GFRA1: variants seen among roughly 807,000 people sequenced by gnomAD.
GFRA1 encodes the protein GDNF family receptor alpha-1.
GFRA1 carries 16 observed loss-of-function variants against 51.6 expected under a neutral mutation model. That is an observed-to-expected ratio of 0.31 (90% CI 0.21 to 0.47). The LOEUF (loss-of-function observed/expected upper bound fraction) is 0.47. Among genes scored for constraint, GFRA1 ranks in the 20% least tolerant of loss-of-function variants. The pLI is 1.00. For synonymous variants in GFRA1, 270 were observed against 241.3 expected, an observed-to-expected ratio of 1.12 and a Z score of -1.10; for missense variants, 530 against 594.3, an observed-to-expected ratio of 0.89 and a Z score of 1.13.
chr10:116,216,251 C>T (rs932988526), intron 4 of GFRA1, among the ~76,000 whole-genome samples: 9 of 152,158 alleles, frequency 5.9e-5, no homozygotes, highest in Non-Finnish European at 1.0e-4. Flanking sequence ...GTGTTTACCT[C>T]GATTAAAAAT....
At chr10:116,180,452 T>C (rs1962101324) in intron 5 of GFRA1, among the ~76,000 whole-genome samples, 1 of 152,172 alleles carries the variant, frequency 6.6e-6, no homozygotes, top group South Asian at 2.1e-4. Context: ...ATATCAACTC[T>C]CTTGCTCATT....
intron 6 of GFRA1, 68 bp downstream of exon 6, chr10:116,125,153 G>T: frequency 1.5e-6 from 2 of 1,349,060 alleles, no homozygotes; most frequent in Non-Finnish European, 2.1e-6. Context: ...AGGGAGCTTG[G>T]CAGCCGAAGC....
At chr10:116,136,818 A>C (rs1413539295) in intron 5 of GFRA1, among the ~76,000 whole-genome samples, 1 of 152,204 alleles carries the variant, frequency 6.6e-6, no homozygotes, top group Non-Finnish European at 1.5e-5. Context: ...TTAAAAGCCA[A>C]ATATCCTTTA....
At chr10:116,175,900 C>T (rs573679177) in intron 5 of GFRA1, among the ~76,000 whole-genome samples, 8 of 152,124 alleles carry the variant, frequency 5.3e-5, no homozygotes, top group African/African-American at 1.7e-4. Flanking sequence ...AAAGCAGGCC[C>T]ACATGTGAGG....
At chr10:116,255,116 G>C (rs1374433267) in intron 4 of GFRA1, among the ~76,000 whole-genome samples, 1 of 152,156 alleles carries the variant, frequency 6.6e-6, no homozygotes, top group Non-Finnish European at 1.5e-5. Flanking sequence ...TGAGAGGAAA[G>C]AAAACACATT....
chr10:116,255,246 G>A (rs1480515863), intron 4 of GFRA1, among the ~76,000 whole-genome samples: 1 of 152,146 alleles, frequency 6.6e-6, no homozygotes, highest in Non-Finnish European at 1.5e-5. Context: ...AGCTGCACCC[G>A]CTTAATTGTG....
At chr10:116,077,244 A>G (rs1003081690) in intron 9 of GFRA1, among the ~76,000 whole-genome samples, 2 of 151,920 alleles carry the variant, frequency 1.3e-5, no homozygotes, top group East Asian at 3.9e-4. Context: ...GGGATAAAAG[A>G]GTTTTTAAAA....
chr10:116,172,604 C>T (rs1251836285), intron 5 of GFRA1, among the ~76,000 whole-genome samples: 2 of 152,112 alleles, frequency 1.3e-5, no homozygotes, highest in East Asian at 1.9e-4. Flanking sequence ...GAGGGCTAGG[C>T]TGAACGGGAT....
chr10:116,166,256 C>T (rs1278027258), intron 5 of GFRA1, among the ~76,000 whole-genome samples: 4 of 152,184 alleles, frequency 2.6e-5, no homozygotes, highest in East Asian at 1.9e-4. Context: ...TTGCAATGAA[C>T]ATACACATGC....
intron 4 of GFRA1, among the ~76,000 whole-genome samples, chr10:116,259,596 T>A (rs1253017677): frequency 6.6e-6 from 1 of 152,170 alleles, no homozygotes; most frequent in African/African-American, 2.4e-5. Context: ...ATATTGCAAC[T>A]TTAAAGGCCT....
intron 6 of GFRA1, among the ~76,000 whole-genome samples, chr10:116,117,717 T>C (rs1430743417): frequency 6.6e-6 from 1 of 151,790 alleles, no homozygotes; most frequent in East Asian, 1.9e-4. Flanking sequence ...AAGGTATGAA[T>C]AGATGGATGA....
At chr10:116,161,406 C>T (rs1181965811) in intron 5 of GFRA1, among the ~76,000 whole-genome samples, 11 of 152,196 alleles carry the variant, frequency 7.2e-5, no homozygotes, top group Non-Finnish European at 1.6e-4. Flanking sequence ...TTGGAAGCAG[C>T]AGCGTTTCCA....
intron 5 of GFRA1, among the ~76,000 whole-genome samples, chr10:116,169,469 T>C (rs1960818462): frequency 1.3e-5 from 2 of 152,198 alleles, no homozygotes; most frequent in African/African-American, 4.8e-5. Flanking sequence ...TGGCCTACCA[T>C]GGCCCATATC....
At chr10:116,074,794 G>A (rs947455536) in intron 9 of GFRA1, among the ~76,000 whole-genome samples, 3 of 152,236 alleles carry the variant, frequency 2.0e-5, no homozygotes, top group Non-Finnish European at 1.5e-5. Context: ...AGGGCTGTTT[G>A]CTTCCACATA....
intron 4 of GFRA1, among the ~76,000 whole-genome samples, chr10:116,258,002 G>C (rs1317765369): frequency 6.6e-6 from 1 of 152,084 alleles, no homozygotes; most frequent in African/African-American, 2.4e-5. Flanking sequence ...ACAAAAGCCA[G>C]CTTAAAAGTC....
intron 5 of GFRA1, among the ~76,000 whole-genome samples, chr10:116,190,680 T>C (rs145929450): frequency 7.9e-5 from 12 of 152,188 alleles, no homozygotes; most frequent in Non-Finnish European, 1.5e-4. Flanking sequence ...CAAAGACATT[T>C]CAAGAGGTTC....
intron 5 of GFRA1, among the ~76,000 whole-genome samples, chr10:116,200,809 G>T (rs1449911629): frequency 3.3e-5 from 5 of 152,154 alleles, no homozygotes; most frequent in Non-Finnish European, 7.3e-5. Flanking sequence ...TGCACACATT[G>T]GGGTTAGGAT....
At chr10:116,259,089 A>G (rs1366162901) in intron 4 of GFRA1, among the ~76,000 whole-genome samples, 1 of 152,250 alleles carries the variant, frequency 6.6e-6, no homozygotes, top group Non-Finnish European at 1.5e-5. Flanking sequence ...CATTTCATAA[A>G]CATGCGCTTT....
intron 5 of GFRA1, among the ~76,000 whole-genome samples, chr10:116,150,508 A>G (rs1241524639): frequency 1.3e-5 from 2 of 152,154 alleles, no homozygotes; most frequent in Non-Finnish European, 2.9e-5. Context: ...CCTTTCTAAG[A>G]ACGGTTTCCC....
Sources: gnomAD v4.1 joint callset for allele counts (sites outside exome capture counted in the v4.1 genomes callset) on GRCh38, gnomAD v4.1.1 for gene constraint, MANE v1.5 for transcripts, NCBI Gene and HGNC (gene_info 2026-07-23, HGNC 2026-07-21) for gene names.